The following GRIK4 variants were observed in gnomAD, a reference collection of about 807,000 sequenced individuals.
GRIK4 encodes the protein glutamate receptor ionotropic, kainate 4.
GRIK4 carries 40 observed loss-of-function variants against 104.9 expected under a neutral mutation model. The observed-to-expected ratio is 0.38, with a 90% CI of 0.30 to 0.50. The LOEUF (loss-of-function observed/expected upper bound fraction) is 0.50, where lower values mean the gene tolerates loss of function less well. Among genes scored for constraint, GRIK4 ranks in the 20% least tolerant of loss-of-function variants. The pLI is 0.93. For synonymous variants in GRIK4, 485 were observed against 524.9 expected (o/e 0.92, Z 1.04); for missense variants, 1,047 against 1,308.1 (o/e 0.80, Z 3.08).
intron 3 of GRIK4, among the ~76,000 whole-genome samples, chr11:120,743,947 A>G (rs1292955912): frequency 6.6e-6 from 1 of 152,218 alleles, no homozygotes; most frequent in South Asian, 2.1e-4. Flanking sequence ...CATTGTAACG[A>G]GTAGCACAGC....
intron 3 of GRIK4, among the ~76,000 whole-genome samples, chr11:120,722,562 C>T (rs1410473601): frequency 1.3e-5 from 2 of 151,520 alleles, no homozygotes; most frequent in African/African-American, 2.4e-5. Flanking sequence ...GAGCTGAGAT[C>T]GTGCCATTGT....
chr11:120,855,482 T>G, intron 8 of GRIK4, among the ~76,000 whole-genome samples: 1 of 152,340 alleles, frequency 6.6e-6, no homozygotes, highest in East Asian at 1.9e-4. Context: ...TGATTATTCA[T>G]GGTTGGAAGA....
chr11:120,586,461 A>G (rs1277037285), intron 1 of GRIK4, among the ~76,000 whole-genome samples: 1 of 152,180 alleles, frequency 6.6e-6, no homozygotes, highest in African/African-American at 2.4e-5. Flanking sequence ...TTTCCCACAT[A>G]GACACTGGGG....
intron 3 of GRIK4, among the ~76,000 whole-genome samples, chr11:120,766,660 C>T (rs1041690688): frequency 1.3e-5 from 2 of 152,066 alleles, no homozygotes; most frequent in East Asian, 1.9e-4. Flanking sequence ...CAAATATCAC[C>T]GTCCCTCACA....
intron 1 of GRIK4, among the ~76,000 whole-genome samples, chr11:120,633,146 A>C (rs1395232071): frequency 6.6e-6 from 1 of 152,084 alleles, no homozygotes; most frequent in Admixed American, 6.5e-5. Flanking sequence ...AACCAAGAAC[A>C]TTATATGTTC....
intron 1 of GRIK4, among the ~76,000 whole-genome samples, chr11:120,621,682 T>C (rs749742981): frequency 1.2e-4 from 19 of 152,182 alleles, no homozygotes; most frequent in South Asian, 2.1e-4. Flanking sequence ...GTACTAACTA[T>C]GTAAACTTGC....
chr11:120,662,712 C>T (rs1308233706), intron 3 of GRIK4, among the ~76,000 whole-genome samples: 2 of 152,136 alleles, frequency 1.3e-5, no homozygotes, highest in African/African-American at 4.8e-5. Flanking sequence ...TCCCAGGGGT[C>T]ACTTTTCCTT....
intron 16 of GRIK4, 48 bp downstream of exon 16, chr11:120,957,001 A>G (rs1944170331): frequency 1.4e-6 from 2 of 1,474,722 alleles, no homozygotes; most frequent in South Asian, 1.3e-5. Flanking sequence ...GTGGGGACAC[A>G]AAAGGGGCCC....
chr11:120,964,057 A>G (rs1944342075), intron 18 of GRIK4, among the ~76,000 whole-genome samples: 2 of 151,264 alleles, frequency 1.3e-5, no homozygotes, highest in South Asian at 4.2e-4. Context: ...CAGTGGCACT[A>G]TCTAGGCTCA....
chr11:120,895,340 G>A (rs1398998069), intron 11 of GRIK4, among the ~76,000 whole-genome samples: 3 of 152,138 alleles, frequency 2.0e-5, no homozygotes, highest in African/African-American at 7.2e-5. Flanking sequence ...ACATCCCAGT[G>A]CTGACATCTA....
intron 8 of GRIK4, among the ~76,000 whole-genome samples, chr11:120,850,796 CATTATT>C (rs60692595): frequency 0.21 from 30,608 of 144,686 alleles, 3,474 homozygotes; most frequent in African/African-American, 0.28. Flanking sequence ...TGGCAAATCA[CATTATT>C]ATTATTATTA....
At position 120,953,113 on chromosome 11, in the gene GRIK4, G is replaced by A; in HGVS notation, c.1700+149G>A. ...CTAGAAGGACAGGAGAAGGACTGGGGGCCTGAAATGCTCTCTGCCCAGCTG... is the reference window on the plus strand; with the variant it reads ...CTAGAAGGACAGGAGAAGGACTGGGAGCCTGAAATGCTCTCTGCCCAGCTG... On this transcript the variant is annotated intron_variant, in intron 15 of 20. Transcript: ENST00000527524. The surrounding 1 kb of genome is among the most constrained non-coding windows in gnomAD (Gnocchi z 4.9). The A allele has an allele frequency of 1.6e-6, 1 of 621,668 alleles. No individual in the cohort carries two copies. The highest frequency in any genetic ancestry group is 2.8e-6 in the Non-Finnish European group (1 of 350,884). 38.5% of individuals were successfully genotyped at this position (621,668 alleles called of 1,614,324 possible). A position where few individuals can be genotyped will look rare whatever the true frequency, so the allele number is the denominator to read the frequency against.
chr11:120,701,227 T>A (rs549923836), intron 3 of GRIK4, among the ~76,000 whole-genome samples: 85 of 152,350 alleles, frequency 5.6e-4, no homozygotes, highest in Non-Finnish European at 1.0e-3. Context: ...AAACTTGTTC[T>A]TCCTATATCT....
intron 3 of GRIK4, among the ~76,000 whole-genome samples, chr11:120,740,875 C>A (rs1951315563): frequency 6.6e-6 from 1 of 152,154 alleles, no homozygotes; most frequent in Non-Finnish European, 1.5e-5. Context: ...TCTCACCTTA[C>A]CATAGAGACG....
intron 1 of GRIK4, among the ~76,000 whole-genome samples, chr11:120,619,024 T>C (rs1190787460): frequency 6.6e-6 from 1 of 152,118 alleles, no homozygotes; most frequent in Non-Finnish European, 1.5e-5. Context: ...CACCAGCAGC[T>C]TGTATCTTGT....
At chr11:120,730,869 A>T (rs57755451) in intron 3 of GRIK4, among the ~76,000 whole-genome samples, 5,318 of 152,152 alleles carry the variant, frequency 0.035, 123 homozygotes, top group East Asian at 0.093. Context: ...CAGGTTGTTC[A>T]GTGCTGGCAT....
chr11:120,653,290 T>C (rs781317284), intron 1 of GRIK4, among the ~76,000 whole-genome samples: 1 of 152,142 alleles, frequency 6.6e-6, no homozygotes, highest in Non-Finnish European at 1.5e-5. Flanking sequence ...GTTGAGAAAA[T>C]GGATCCAGTC....
chr11:120,626,743 G>A (rs1210886076), intron 1 of GRIK4, among the ~76,000 whole-genome samples: 1 of 152,134 alleles, frequency 6.6e-6, no homozygotes, highest in Non-Finnish European at 1.5e-5. Context: ...TCATCGCTCT[G>A]GACACACGAT....
rs1389373026 is a variant in GRIK4 at position 120,601,925 on chromosome 11, G to A, written c.-158-51760G>A. Among the ~76,000 whole-genome samples the A allele has an allele frequency of 3.3e-5, 5 of 152,042 alleles. No individual in the cohort carries two copies. The South Asian group carries it at 6.2e-4, about 19-fold the overall frequency. ...AGTTTTCTGGTACAGTGGGCTAAGC[G>A]GCTTCTTTTTAAATGGGGAACCCTA... On this transcript the variant is annotated intron_variant, in intron 1 of 20. Transcript: ENST00000527524.
Sources: gnomAD v4.1 joint callset for allele counts (sites outside exome capture counted in the v4.1 genomes callset) on GRCh38, gnomAD v4.1.1 for gene constraint, Gnocchi (gnomAD v3.1) non-coding constraint, MANE v1.5 for transcripts, NCBI Gene and HGNC (gene_info 2026-07-23, HGNC 2026-07-21) for gene names.